Variants in CFAP70 observed in about 807,000 individuals in gnomAD.
CFAP70 encodes the protein cilia- and flagella-associated protein 70.
Under a neutral mutation model 137.6 loss-of-function variants are expected in CFAP70, and 81 were observed. The ratio of observed to expected loss-of-function variants is 0.59; its 90% confidence interval spans 0.49 to 0.71. The LOEUF is 0.71. CFAP70 is among the 30% of genes least tolerant of loss of function. The pLI is 0.00. For missense variants in CFAP70, 976 were observed against 1,226.7 expected (o/e 0.80, Z 3.05); for synonymous variants, 382 against 423.6 (o/e 0.90, Z 1.20).
At chr10:73,301,841 G>C (rs1470249779) in intron 12 of CFAP70, among the ~76,000 whole-genome samples, 1 of 152,150 alleles carries the variant, frequency 6.6e-6, no homozygotes, top group Non-Finnish European at 1.5e-5. Flanking sequence ...GCTCATGTAT[G>C]AGCATGAACA....
chr10:73,312,706 A>G, intron 9 of CFAP70, 63 bp from the exon 11 acceptor site: 4 of 1,381,206 alleles, frequency 2.9e-6, no homozygotes, highest in South Asian at 1.6e-5. Flanking sequence ...AGAAATACAC[A>G]TTATTTTTTT....
At chr10:73,333,644 G>A (rs774003424) in intron 7 of CFAP70, among the ~76,000 whole-genome samples, 4 of 152,090 alleles carry the variant, frequency 2.6e-5, no homozygotes, top group African/African-American at 4.8e-5. Flanking sequence ...TTAGAATTCC[G>A]TACCTAATAA....
chr10:73,354,791 CT>C lies in CFAP70; in HGVS notation c.5del (p.Glu2GlyfsTer14). The C allele has an allele frequency of 6.2e-7, 1 of 1,613,972 alleles. No homozygotes were observed. Among genetic ancestry groups the C allele is most frequent in the Admixed American group, 1.7e-5 (1 of 60,020 alleles). Reference sequence around the variant, plus strand: ...CGAGTCTGCCTGCTGATGGCACTTGCTCCATATCACCAACTGGGAAAAGTCC... The same window carrying C: ...CGAGTCTGCCTGCTGATGGCACTTGCCCATATCACCAACTGGGAAAAGTCC... On this transcript the variant is annotated frameshift_variant, in exon 2 of 27. Transcript: ENST00000310715. LOFTEE classifies it high-confidence loss of function.
At chr10:73,279,567 A>AAATG (rs2047100628) in intron 19 of CFAP70, among the ~76,000 whole-genome samples, 1 of 131,496 alleles carries the variant, frequency 7.6e-6, no homozygotes, top group Non-Finnish European at 1.6e-5. Flanking sequence ...ATAAATAAAT[A>AAATG]AATATAAGAA....
At chr10:73,350,272 C>T (rs188178934) in intron 3 of CFAP70, among the ~76,000 whole-genome samples, 1 of 151,688 alleles carries the variant, frequency 6.6e-6, no homozygotes, top group Non-Finnish European at 1.5e-5. Flanking sequence ...TGTGTTCCTA[C>T]TTGGGTTCAG....
At chr10:73,306,917 AGTAAAG>A (rs1176802245) in intron 12 of CFAP70, among the ~76,000 whole-genome samples, 1 of 152,204 alleles carries the variant, frequency 6.6e-6, no homozygotes, top group African/African-American at 2.4e-5. Flanking sequence ...AAAGAACACT[AGTAAAG>A]GTAAATATGA....
At chr10:73,355,014 A>T (rs1220869220) in intron 1 of CFAP70, among the ~76,000 whole-genome samples, 179 bp from the exon 2 acceptor site, 1 of 152,190 alleles carries the variant, frequency 6.6e-6, no homozygotes, top group Non-Finnish European at 1.5e-5. Flanking sequence ...GGTCACAAGG[A>T]TGATTTCACT....
chr10:73,343,964 ATT>A (rs200528605), intron 5 of CFAP70, among the ~76,000 whole-genome samples: 2 of 146,532 alleles, frequency 1.4e-5, no homozygotes, highest in Admixed American at 6.8e-5. Context: ...CATATGAAGA[ATT>A]TTTTTTTTTT....
At chr10:73,284,670 T>G (rs1175970883) in intron 19 of CFAP70, among the ~76,000 whole-genome samples, 3 of 125,200 alleles carry the variant, frequency 2.4e-5, no homozygotes, top group Admixed American at 8.3e-5. Flanking sequence ...GTAATTGTGG[T>G]TTTTTTTTAA....
intron 25 of CFAP70, among the ~76,000 whole-genome samples, chr10:73,263,911 G>A (rs1419898882): frequency 6.6e-6 from 1 of 152,070 alleles, no homozygotes; most frequent in African/African-American, 2.4e-5. Flanking sequence ...ACATTTAGCA[G>A]TTGGCCTTTG....
At chr10:73,360,835 T>G (rs780921700), upstream of CFAP70, among the ~76,000 whole-genome samples, 8 of 152,148 alleles carry the variant, frequency 5.3e-5, no homozygotes, top group Non-Finnish European at 8.8e-5. Context: ...AAGTCTTTAA[T>G]AGGGAGCTGT....
At chr10:73,295,013 T>A (rs991552722) in intron 15 of CFAP70, 1 of 152,256 alleles carries the variant, frequency 6.6e-6, no homozygotes, top group African/African-American at 2.4e-5. Flanking sequence ...CAAGTCTTTT[T>A]CATCTTAAAA....
At chr10:73,316,477 TATAGATATAG>T (rs1452235913) in intron 9 of CFAP70, among the ~76,000 whole-genome samples, 1,378 of 113,320 alleles carry the variant, frequency 0.012, 29 homozygotes, top group African/African-American at 0.046. Context: ...TATATATATA[TATAGATATAG>T]ATATATATAT....
At chr10:73,353,828 A>T (rs895896697) in intron 2 of CFAP70, 86 bp from the exon 3 acceptor site, 3 of 1,303,166 alleles carry the variant, frequency 2.3e-6, no homozygotes, top group Non-Finnish European at 3.2e-6. Context: ...ATTTGGGCTA[A>T]ATAGCATTTT....
chr10:73,351,109 A>ATATG (rs2054228012), intron 3 of CFAP70, among the ~76,000 whole-genome samples: 6 of 92,860 alleles, frequency 6.5e-5, no homozygotes, highest in Admixed American at 1.1e-4. Context: ...ATATATATAT[A>ATATG]TATGTATGTT....
intron 11 of CFAP70, among the ~76,000 whole-genome samples, chr10:73,311,371 T>G (rs2049907686): frequency 6.6e-6 from 1 of 152,184 alleles, no homozygotes; most frequent in Admixed American, 6.5e-5. Flanking sequence ...TATCACCTCC[T>G]CCATGAAGCC....
intron 19 of CFAP70, among the ~76,000 whole-genome samples, chr10:73,283,707 T>C (rs2047433805): frequency 1.3e-5 from 2 of 152,220 alleles, no homozygotes. Flanking sequence ...ATGCTTAATT[T>C]ATCTATATCA....
intron 25 of CFAP70, among the ~76,000 whole-genome samples, chr10:73,257,887 T>TC (rs1182963380): frequency 6.7e-6 from 1 of 149,320 alleles, no homozygotes; most frequent in Non-Finnish European, 1.5e-5. Context: ...TTTTTTTTTT[T>TC]TTTTTTTTGA....
In CFAP70 at chr10:73,336,439, A is replaced by G. The variant is rs1334730254; in HGVS notation, c.583-915T>C. 2.0e-5 allele frequency among the ~76,000 whole-genome samples: 3 copies of G among 152,192 alleles called. No homozygotes were observed. In the South Asian group the frequency reaches 6.2e-4, roughly 31 times the overall value. On this transcript the variant is annotated intron_variant, in intron 6 of 26. Transcript: ENST00000310715. ...GTGTTTTTCCAATATTCCTAGCCTCAGGTCTACTATTTTAAATATTTAGTC... is the reference window on the plus strand; with the variant it reads ...GTGTTTTTCCAATATTCCTAGCCTCGGGTCTACTATTTTAAATATTTAGTC...
Sources: allele counts gnomAD v4.1 joint callset (sites outside exome capture counted in the v4.1 genomes callset), GRCh38; gene constraint gnomAD v4.1.1; transcripts MANE v1.5; gene names NCBI Gene and HGNC (gene_info 2026-07-23, HGNC 2026-07-21).